The following TNN variants were observed in gnomAD, a reference collection of about 807,000 sequenced individuals.
TNN encodes tenascin-N.
TNN carries 122 observed loss-of-function variants against 134.4 expected under a neutral mutation model. The observed-to-expected ratio is 0.91, with a 90% CI of 0.78 to 1.06. The LOEUF (loss-of-function observed/expected upper bound fraction) is 1.06, where lower values mean the gene tolerates loss of function less well. Ranked by LOEUF, TNN falls within the 50% of genes least tolerant of loss-of-function variation. The probability of loss-of-function intolerance (pLI) is 0.00; values close to 1 mark genes in which losing one functional copy is unlikely to be tolerated. For missense variants in TNN, 1,739 were observed against 1,699.4 expected (o/e 1.02, Z -0.41); for synonymous variants, 710 against 670.3 (o/e 1.06, Z -0.91).
intron 1 of TNN, among the ~76,000 whole-genome samples, chr1:175,072,316 A>G (rs2149424518): frequency 6.6e-6 from 1 of 152,290 alleles, no homozygotes; most frequent in East Asian, 1.9e-4. Flanking sequence ...CTGTAAGACA[A>G]TGATTCTTGG....
At chr1:175,075,585 C>T (rs568996033) in intron 1 of TNN, among the ~76,000 whole-genome samples, 13 of 152,226 alleles carry the variant, frequency 8.5e-5, no homozygotes, top group Admixed American at 1.3e-4. Context: ...TGTGAGCCAC[C>T]GTGCCCGGCC....
intron 11 of TNN, among the ~76,000 whole-genome samples, chr1:175,121,979 T>C (rs944217162): frequency 1.3e-5 from 2 of 152,230 alleles, no homozygotes; most frequent in Admixed American, 6.5e-5. Context: ...GATGCAGTTG[T>C]ATAAACTAGT....
At chr1:175,130,212 T>C (rs761398153) in intron 15 of TNN, among the ~76,000 whole-genome samples, 1 of 152,230 alleles carries the variant, frequency 6.6e-6, no homozygotes, top group Non-Finnish European at 1.5e-5. Flanking sequence ...GATCTCATAG[T>C]GCTCAAACCT....
At chr1:175,115,584 C>T (rs755747286) in intron 9 of TNN, among the ~76,000 whole-genome samples, 3 of 152,108 alleles carry the variant, frequency 2.0e-5, no homozygotes, top group Non-Finnish European at 2.9e-5. Context: ...GGTGGTGTCT[C>T]AGCAGCAGTT....
chr1:175,118,929 G>A, intron 11 of TNN, 105 bp downstream of exon 11: 2 of 1,436,694 alleles, frequency 1.4e-6, no homozygotes, highest in South Asian at 1.3e-5. Context: ...CCTCAGGGCT[G>A]CAGACTGTTT....
intron 9 of TNN, among the ~76,000 whole-genome samples, chr1:175,104,795 T>G (rs193171681): frequency 5.5e-5 from 8 of 146,034 alleles, no homozygotes; most frequent in Admixed American, 4.8e-4. Context: ...CTCGAGTGAT[T>G]CGGGTGACAG....
rs924143630 is a variant in TNN, at chr1:175,102,732, C to T, written c.2119+4137C>T. ...GGGAGTGGGCTCCAGCCTTGGCCAGCCCAGAAAGGGGCTCCCACAGTGTAG... is the reference window on the plus strand; with the variant it reads ...GGGAGTGGGCTCCAGCCTTGGCCAGTCCAGAAAGGGGCTCCCACAGTGTAG... On this transcript the variant is annotated intron_variant, in intron 9 of 18. Transcript: ENST00000239462. Among the ~76,000 whole-genome samples the T allele has an allele frequency of 6.2e-5, 9 of 146,280 alleles. 1 individual carries two copies. The highest frequency in any genetic ancestry group is 2.2e-4 in the African/African-American group (9 of 40,760).
chr1:175,131,243 C>A (rs1409126768), intron 15 of TNN, among the ~76,000 whole-genome samples: 6 of 152,204 alleles, frequency 3.9e-5, no homozygotes, highest in Non-Finnish European at 8.8e-5. Flanking sequence ...TCAGGGAACA[C>A]TTAATGTTTC....
chr1:175,123,735 G>T, intron 12 of TNN, 72 bp downstream of exon 12: 1 of 1,591,650 alleles, frequency 6.3e-7, no homozygotes, highest in Non-Finnish European at 8.5e-7. Flanking sequence ...TCAGTGGGCT[G>T]GGGAGGGGAG....
Position 175,128,612 on chromosome 1 carries a change from C to T in TNN, c.3196C>T (p.His1066Tyr), listed in dbSNP as rs766786956. The T allele has an allele frequency of 2.5e-6, 4 of 1,611,564 alleles. No homozygotes were observed. The East Asian group carries it at 9.0e-5, about 36-fold the overall frequency. ...TLSTVGARFP[H>Y]PSDCSQVQQN... ...GCTCCCAGTTGGTGCCCGTTTCCCA[C>T]ACCCTTCGGACTGCAGTCAGGTTCA... is the stretch of plus-strand genomic sequence containing the variant. The change falls in exon 15 of 19, where the codon CAC becomes TAC. Residue 1066 changes from histidine (H) to tyrosine (Y), a missense_variant. Transcript: ENST00000239462.
At chr1:175,119,652 T>TTTTTTTTTTTTTTTTTTTC (rs1158123199) in intron 11 of TNN, among the ~76,000 whole-genome samples, 1 of 150,290 alleles carries the variant, frequency 6.7e-6, no homozygotes, top group Non-Finnish European at 1.5e-5. Flanking sequence ...TTTTTTTTTT[T>TTTTTTTTTTTTTTTTTTTC]TTGAGACAGT....
At chr1:175,145,565 A>AAAAAAAAAAAAAC in intron 18 of TNN, among the ~76,000 whole-genome samples, 1 of 147,930 alleles carries the variant, frequency 6.8e-6, no homozygotes, top group Non-Finnish European at 1.5e-5. Flanking sequence ...AAAAAAAAAA[A>AAAAAAAAAAAAAC]AAAAAAAAAA....
intron 9 of TNN, among the ~76,000 whole-genome samples, chr1:175,111,486 CAAAAAAAAAAAAAAAA>C (rs59538028): frequency 1.1e-4 from 7 of 62,540 alleles, no homozygotes; most frequent in Admixed American, 8.9e-4. Context: ...GACTCTGTCT[CAAAAAAAAAAAAAAAA>C]AAAAAAAAAA....
rs201073140 is a variant in TNN at position 175,128,661 on chromosome 1, G to A, written c.3245G>A (p.Gly1082Asp). 84 of 1,613,888 alleles carry A rather than the reference G, an allele frequency of 5.2e-5. No homozygotes were observed. The highest frequency in any genetic ancestry group is 6.5e-5 in the Non-Finnish European group (77 of 1,179,960). ...CAGCAGAACAGCAATGCCGCCAGTG[G>A]TCTGTACACCATCTACCTGCATGGC... ...QVQQNSNAAS[G>D]LYTIYLHGDA... Residue 1082 changes from glycine (G) to aspartate (D), a missense_variant, in exon 15 of 19, where the codon GGT (glycine) becomes GAT (aspartate). Physicochemically the swap from Gly to Asp is moderately conservative, Grantham distance 94. Coordinates refer to ENST00000239462, the MANE Select transcript of TNN (RefSeq NM_022093.2).
intron 6 of TNN, among the ~76,000 whole-genome samples, chr1:175,089,395 A>G (rs1201469601): frequency 6.6e-6 from 1 of 152,202 alleles, no homozygotes; most frequent in Non-Finnish European, 1.5e-5. Context: ...AGTGCGCTGG[A>G]ACACCTTCCA....
intron 16 of TNN, among the ~76,000 whole-genome samples, chr1:175,136,426 C>T (rs983316012): frequency 2.6e-5 from 4 of 152,154 alleles, no homozygotes; most frequent in African/African-American, 9.7e-5. Flanking sequence ...AGTTCAGATA[C>T]CCAGTGTCTA....
At chr1:175,085,593 A>C (rs1674306101) in intron 6 of TNN, 99 bp downstream of exon 6, 2 of 885,914 alleles carry the variant, frequency 2.3e-6, no homozygotes, top group Non-Finnish European at 3.7e-6. Flanking sequence ...TGGGATTTGC[A>C]GACAGACGGG....
Position 175,109,072 on chromosome 1 carries a change from A to ATTTTTTTTTTT in TNN, c.2120-7850_2120-7840dup, listed in dbSNP as rs1160268455. ...GAATGTATTTCTTCTATCTAACTGT[A>ATTTTTTTTTTT]TTTTTTTTTTTTTTTTTTTTTTTTT... On this transcript the variant is annotated intron_variant, in intron 9 of 18. Coordinates refer to ENST00000239462, the MANE Select transcript of TNN (RefSeq NM_022093.2). 5.8e-3 allele frequency among the ~76,000 whole-genome samples: 361 copies of ATTTTTTTTTTT among 61,954 alleles called. 77 individuals are homozygous for ATTTTTTTTTTT. Among genetic ancestry groups the ATTTTTTTTTTT allele is most frequent in the African/African-American group, 0.011 (166 of 14,894 alleles). The allele number at this position is 61,954 out of a possible 152,430, so 40.6% of individuals were successfully genotyped here.
At chr1:175,087,460 G>A (rs1674344295) in intron 6 of TNN, among the ~76,000 whole-genome samples, 1 of 152,196 alleles carries the variant, frequency 6.6e-6, no homozygotes, top group South Asian at 2.1e-4. Flanking sequence ...GCATAACTCA[G>A]CTTTCAGCTT....
Sources: allele counts gnomAD v4.1 joint callset (sites outside exome capture counted in the v4.1 genomes callset), GRCh38; gene constraint gnomAD v4.1.1; transcripts MANE v1.5; gene names NCBI Gene and HGNC (gene_info 2026-07-23, HGNC 2026-07-21).